The following AFF2 variants were observed in gnomAD, a reference collection of about 807,000 sequenced individuals.
AFF2 encodes the protein ALF transcription elongation factor 2.
AFF2 carries 14 observed loss-of-function variants against 76.9 expected under a neutral mutation model. The observed-to-expected ratio is 0.18, with a 90% CI of 0.12 to 0.28. AFF2 has a LOEUF of 0.28. AFF2 is among the 10% of genes least tolerant of loss of function. The probability of loss-of-function intolerance (pLI) is 1.00; values close to 1 mark genes in which losing one functional copy is unlikely to be tolerated. For synonymous variants in AFF2, 398 were observed against 366.7 expected, an observed-to-expected ratio of 1.09 and a Z score of -0.98; for missense variants, 868 against 1,001.1, an observed-to-expected ratio of 0.87 and a Z score of 1.79.
At chrX:148,767,299 G>A (rs1445778293) in intron 3 of AFF2, among the ~76,000 whole-genome samples, 1 of 111,440 alleles carries the variant, frequency 9.0e-6, no homozygotes, top group Non-Finnish European at 1.9e-5. Flanking sequence ...AGTTGTAAAA[G>A]CTAAACATTA....
chrX:148,600,147 G>T (rs781999966), intron 1 of AFF2, among the ~76,000 whole-genome samples: 1 of 112,219 alleles, frequency 8.9e-6, no homozygotes, highest in Non-Finnish European at 1.9e-5. Flanking sequence ...CTTTGCACTT[G>T]TGAACATTGC....
chrX:148,561,207 A>G (rs1436450765), intron 1 of AFF2, among the ~76,000 whole-genome samples: 1 of 112,069 alleles, frequency 8.9e-6, no homozygotes, highest in Non-Finnish European at 1.9e-5. Flanking sequence ...AACATTTGAG[A>G]TTTCTTTTAG....
chrX:148,869,747 G>A (rs1258687817), intron 7 of AFF2, among the ~76,000 whole-genome samples: 1 of 111,948 alleles, frequency 8.9e-6, no homozygotes, highest in African/African-American at 3.2e-5. Flanking sequence ...CCAGATGTTA[G>A]AAGTCCAATA....
intron 11 of AFF2, among the ~76,000 whole-genome samples, chrX:148,957,297 A>C (rs182044467): frequency 1.4e-3 from 157 of 111,491 alleles, no homozygotes; most frequent in African/African-American, 4.8e-3. Flanking sequence ...GCTAGAAAGG[A>C]GGTTCCAAGT....
At chrX:148,541,090 A>G (rs1260526787) in intron 1 of AFF2, among the ~76,000 whole-genome samples, 3 of 112,502 alleles carry the variant, frequency 2.7e-5, no homozygotes, top group African/African-American at 9.7e-5. Context: ...TGCAGATTTG[A>G]CATGATTGTG....
chrX:148,533,400 C>T (rs2052750628), intron 1 of AFF2, among the ~76,000 whole-genome samples: 1 of 110,123 alleles, frequency 9.1e-6, no homozygotes, highest in Admixed American at 9.7e-5. Flanking sequence ...TCACGACATT[C>T]TCCTGCCTCA....
At chrX:148,669,261 C>A (rs1195210678) in intron 3 of AFF2, among the ~76,000 whole-genome samples, 3 of 111,924 alleles carry the variant, frequency 2.7e-5, no homozygotes, top group Non-Finnish European at 5.6e-5. Flanking sequence ...CTAGGAAGTT[C>A]CAAACTTTCC....
chrX:148,998,330 CAAAT>C lies in AFF2; in HGVS notation c.*7000_*7003del, dbSNP rs2072631597. The C allele has an allele frequency of 9.0e-6, 1 of 111,712 alleles. No individual in the cohort carries two copies. The highest frequency in any genetic ancestry group is 3.3e-5 in the African/African-American group (1 of 30,628). 9.2% of individuals were successfully genotyped at this position (111,712 alleles called of 1,213,427 possible). A position where few individuals can be genotyped will look rare whatever the true frequency, so the allele number is the denominator to read the frequency against. On this transcript the variant is annotated 3_prime_UTR_variant, in exon 21 of 21. Transcript: ENST00000370460. ...TGCTAGTGTTCTTTCTCTTTCCAAA[CAAAT>C]AGTTAAATTAAATGTGAGCTTCTGA...
chrX:148,875,880 G>A (rs1264110075), intron 7 of AFF2, among the ~76,000 whole-genome samples: 1 of 111,175 alleles, frequency 9.0e-6, no homozygotes, highest in Non-Finnish European at 1.9e-5. Flanking sequence ...AATGATACTA[G>A]ATTAATATTT....
chrX:148,968,827 T>C (rs2072213336), intron 15 of AFF2, among the ~76,000 whole-genome samples: 1 of 112,240 alleles, frequency 8.9e-6, no homozygotes, highest in Non-Finnish European at 1.9e-5. Context: ...GCTAGCTCCA[T>C]TGGAGATGCC....
intron 1 of AFF2, among the ~76,000 whole-genome samples, chrX:148,651,170 A>G (rs1287882931): frequency 4.5e-5 from 5 of 112,343 alleles, no homozygotes; most frequent in Non-Finnish European, 7.5e-5. Context: ...ATTCCATAAA[A>G]CCAGAAGGCC....
rs147063686 is a variant in AFF2, at chrX:148,650,052, G to T, written c.48-1947G>T. On this transcript the variant is annotated intron_variant, in intron 1 of 20. Transcript: ENST00000370460. ...TGTCCTTCTCCTTTGCAACAACCCT[G>T]CCCTCACTAAATATTGCTTTAACTT... Among the ~76,000 whole-genome samples the T allele has an allele frequency of 1.3e-3, 143 of 111,430 alleles. 1 individual carries two copies. The highest frequency in any genetic ancestry group is 2.1e-3 in the Non-Finnish European group (113 of 53,065).
At chrX:148,648,803 T>A (rs782056567) in intron 1 of AFF2, among the ~76,000 whole-genome samples, 1 of 110,792 alleles carries the variant, frequency 9.0e-6, no homozygotes, top group African/African-American at 3.3e-5. Context: ...TTTTGAGTGG[T>A]CAGTTTTTAT....
At chrX:148,624,230 T>C (rs181148688) in intron 1 of AFF2, among the ~76,000 whole-genome samples, 1 of 111,536 alleles carries the variant, frequency 9.0e-6, no homozygotes, top group East Asian at 2.8e-4. Flanking sequence ...TCTAACCTCG[T>C]CACCAGCCAC....
At chrX:148,671,294 A>G (rs1443381713) in intron 3 of AFF2, among the ~76,000 whole-genome samples, 1 of 112,408 alleles carries the variant, frequency 8.9e-6, no homozygotes, top group African/African-American at 3.2e-5. Flanking sequence ...GATGCAATTT[A>G]AAACAGCACT....
chrX:148,638,968 A>G (rs1350968944), intron 1 of AFF2, among the ~76,000 whole-genome samples: 2 of 112,094 alleles, frequency 1.8e-5, no homozygotes, highest in Admixed American at 1.9e-4. Context: ...GCATTTTACA[A>G]TGAGAGCAGG....
intron 7 of AFF2, among the ~76,000 whole-genome samples, chrX:148,852,197 G>T (rs2070738751): frequency 9.0e-6 from 1 of 110,929 alleles, no homozygotes; most frequent in Admixed American, 9.6e-5. Context: ...ACGTGTGCGT[G>T]TGTCTTTATG....
chrX:148,584,868 C>T lies in AFF2; in HGVS notation c.48-67131C>T, dbSNP rs782777811. ...TGATCACTTTTTAACTCAATGCCTACTTAGTGGCAAGTGCTATTTAGGACA... is the reference window on the plus strand; with the variant it reads ...TGATCACTTTTTAACTCAATGCCTATTTAGTGGCAAGTGCTATTTAGGACA... On this transcript the variant is annotated intron_variant, in intron 1 of 20. Transcript: ENST00000370460. 2.8e-4 allele frequency among the ~76,000 whole-genome samples: 31 copies of T among 111,571 alleles called. 1 individual carries two copies. The highest frequency in any genetic ancestry group is 5.6e-5 in the Non-Finnish European group (3 of 53,142).
At chrX:148,966,562 C>T (rs2072175137) in intron 13 of AFF2, among the ~76,000 whole-genome samples, 1 of 110,257 alleles carries the variant, frequency 9.1e-6, no homozygotes, top group African/African-American at 3.3e-5. Context: ...GTAATGGCAG[C>T]ACCCAATTAG....
Sources: allele counts gnomAD v4.1 joint callset (sites outside exome capture counted in the v4.1 genomes callset), GRCh38; gene constraint gnomAD v4.1.1; transcripts MANE v1.5; gene names NCBI Gene and HGNC (gene_info 2026-07-23, HGNC 2026-07-21).